Variants in HS3ST4 observed in about 807,000 individuals in gnomAD.
HS3ST4 encodes the protein heparan sulfate glucosamine 3-O-sulfotransferase 4.
A neutral mutation model predicts 29.2 loss-of-function variants in HS3ST4; 17 were observed. That is an observed-to-expected ratio of 0.58 (90% CI 0.40 to 0.87). The LOEUF is 0.87. Ranked by LOEUF, HS3ST4 falls within the 40% of genes least tolerant of loss-of-function variation. The pLI, the probability that HS3ST4 is intolerant of heterozygous loss-of-function variation, is 0.00. For synonymous variants in HS3ST4, 314 were observed against 285.7 expected, an observed-to-expected ratio of 1.10 and a Z score of -1.00; for missense variants, 627 against 634.5, an observed-to-expected ratio of 0.99 and a Z score of 0.13.
At chr16:26,067,354 C>T (rs1463187770) in intron 1 of HS3ST4, among the ~76,000 whole-genome samples, 2 of 152,062 alleles carry the variant, frequency 1.3e-5, no homozygotes, top group Non-Finnish European at 2.9e-5. Flanking sequence ...AAAATAATAG[C>T]GTCATCCATT....
intron 1 of HS3ST4, among the ~76,000 whole-genome samples, chr16:26,117,662 T>C (rs1899217928): frequency 1.3e-5 from 2 of 152,140 alleles, no homozygotes; most frequent in Admixed American, 1.3e-4. Context: ...CTGGTAGCAA[T>C]GAGATGGAGG....
intron 1 of HS3ST4, among the ~76,000 whole-genome samples, chr16:25,720,847 A>G (rs1249473261): frequency 6.6e-6 from 1 of 152,226 alleles, no homozygotes; most frequent in African/African-American, 2.4e-5. Context: ...CATATTGGAC[A>G]TGAGATGCCC....
chr16:26,093,070 T>A (rs1179658046), intron 1 of HS3ST4, among the ~76,000 whole-genome samples: 3 of 151,954 alleles, frequency 2.0e-5, no homozygotes, highest in African/African-American at 7.3e-5. Context: ...CTTGAGTAGG[T>A]AAACAAAGTG....
At chr16:25,886,027 GTTTTT>G (rs34713423) in intron 1 of HS3ST4, among the ~76,000 whole-genome samples, 3 of 82,770 alleles carry the variant, frequency 3.6e-5, no homozygotes, top group Non-Finnish European at 6.5e-5. Flanking sequence ...TCTTACTGTG[GTTTTT>G]TTTTTTTTTT....
At chr16:25,961,384 C>A (rs1228483512) in intron 1 of HS3ST4, among the ~76,000 whole-genome samples, 1 of 152,220 alleles carries the variant, frequency 6.6e-6, no homozygotes, top group East Asian at 1.9e-4. Flanking sequence ...ATTTGCAACT[C>A]ATGCCTTTTA....
intron 1 of HS3ST4, among the ~76,000 whole-genome samples, chr16:25,988,170 G>C (rs910574149): frequency 6.6e-6 from 1 of 152,202 alleles, no homozygotes; most frequent in African/African-American, 2.4e-5. Flanking sequence ...TGTCTTCCAT[G>C]AGCAGAGAGG....
chr16:25,866,963 C>T (rs1967702178), intron 1 of HS3ST4, among the ~76,000 whole-genome samples: 1 of 152,134 alleles, frequency 6.6e-6, no homozygotes, highest in Non-Finnish European at 1.5e-5. Context: ...CGGGCCTCTC[C>T]AAGTCTTATA....
intron 1 of HS3ST4, among the ~76,000 whole-genome samples, chr16:26,034,693 G>A (rs1969567398): frequency 6.6e-6 from 1 of 151,902 alleles, no homozygotes; most frequent in South Asian, 2.1e-4. Context: ...CCAGCATGGA[G>A]TGAGGATTTT....
At chr16:26,124,937 G>A (rs1899322774) in intron 1 of HS3ST4, among the ~76,000 whole-genome samples, 1 of 152,212 alleles carries the variant, frequency 6.6e-6, no homozygotes, top group Admixed American at 6.5e-5. Context: ...CTTTTCTTAT[G>A]TCTCTGGACA....
intron 1 of HS3ST4, among the ~76,000 whole-genome samples, chr16:25,740,148 C>A (rs1966642711): frequency 6.6e-6 from 1 of 152,106 alleles, no homozygotes; most frequent in African/African-American, 2.4e-5. Context: ...GAGCTGAGAG[C>A]CTACTGCATC....
intron 1 of HS3ST4, among the ~76,000 whole-genome samples, chr16:26,058,846 A>G (rs1321130008): frequency 6.6e-6 from 1 of 152,158 alleles, no homozygotes; most frequent in East Asian, 1.9e-4. Flanking sequence ...TCCTAGAAGT[A>G]GAACTGCTGA....
intron 1 of HS3ST4, among the ~76,000 whole-genome samples, chr16:25,760,133 T>TCTAACC (rs1251242502): frequency 6.0e-5 from 9 of 151,122 alleles, no homozygotes; most frequent in African/African-American, 1.5e-4. Flanking sequence ...TAACCCTAAC[T>TCTAACC]CTAACCCTAA....
intron 1 of HS3ST4, among the ~76,000 whole-genome samples, chr16:25,917,715 C>T (rs1216491717): frequency 6.6e-6 from 1 of 152,238 alleles, no homozygotes; most frequent in Non-Finnish European, 1.5e-5. Flanking sequence ...CACCATTGCA[C>T]ACCTTAGCTT....
intron 1 of HS3ST4, among the ~76,000 whole-genome samples, chr16:25,780,546 GAGGA>G (rs1172045005): frequency 6.6e-6 from 1 of 152,204 alleles, no homozygotes; most frequent in Non-Finnish European, 1.5e-5. Flanking sequence ...CCTAAAGAAG[GAGGA>G]GAAGCAAAGA....
intron 1 of HS3ST4, among the ~76,000 whole-genome samples, chr16:26,064,449 G>A (rs1013197820): frequency 8.6e-5 from 13 of 152,006 alleles, no homozygotes; most frequent in Non-Finnish European, 1.9e-4. Flanking sequence ...AGTGAAGCAC[G>A]CAGATGTCAT....
At chr16:25,971,907 G>C (rs1198909474) in intron 1 of HS3ST4, among the ~76,000 whole-genome samples, 1 of 152,042 alleles carries the variant, frequency 6.6e-6, no homozygotes, top group Non-Finnish European at 1.5e-5. Context: ...CTCCAGCCTG[G>C]GCTACAGAGT....
At chr16:25,696,752 G>T (rs1736901537) in intron 1 of HS3ST4, among the ~76,000 whole-genome samples, 1 of 152,204 alleles carries the variant, frequency 6.6e-6, no homozygotes, top group African/African-American at 2.4e-5. Context: ...CTACCCAGAG[G>T]AAAATGGTCA....
chr16:25,895,308 T>C (rs932364641), intron 1 of HS3ST4, among the ~76,000 whole-genome samples: 5 of 152,096 alleles, frequency 3.3e-5, no homozygotes, highest in African/African-American at 1.2e-4. Context: ...TAAAGCTTGC[T>C]CGGTAGACAA....
chr16:26,107,610 C>T (rs1899074652), intron 1 of HS3ST4, among the ~76,000 whole-genome samples: 2 of 152,188 alleles, frequency 1.3e-5, no homozygotes, highest in Admixed American at 6.5e-5. Flanking sequence ...ATACCCATAG[C>T]GTAGCTCCCA....
Sources: gnomAD v4.1 joint callset for allele counts (sites outside exome capture counted in the v4.1 genomes callset) on GRCh38, gnomAD v4.1.1 for gene constraint, MANE v1.5 for transcripts, NCBI Gene and HGNC (gene_info 2026-07-23, HGNC 2026-07-21) for gene names.